Variants in NEGR1 observed in about 807,000 individuals in gnomAD.
NEGR1 encodes the protein IgLON family member 4.
A neutral mutation model predicts 40.9 loss-of-function variants in NEGR1; 10 were observed. The ratio of observed to expected loss-of-function variants is 0.24; its 90% confidence interval spans 0.15 to 0.42. NEGR1 has a LOEUF of 0.42. NEGR1 is among the 10% of genes least tolerant of loss of function. NEGR1 has a pLI of 1.00. For missense variants in NEGR1, 352 were observed against 438.9 expected, an observed-to-expected ratio of 0.80 and a Z score of 1.77; for synonymous variants, 185 against 166.8, an observed-to-expected ratio of 1.11 and a Z score of -0.84.
chr1:71,959,939 T>C (rs186091062), intron 1 of NEGR1, among the ~76,000 whole-genome samples: 1 of 152,260 alleles, frequency 6.6e-6, no homozygotes, highest in East Asian at 1.9e-4. Flanking sequence ...CAATATATCT[T>C]ATATTTCTGT....
chr1:71,752,737 T>C (rs1655612189), intron 3 of NEGR1, among the ~76,000 whole-genome samples: 1 of 151,284 alleles, frequency 6.6e-6, no homozygotes, highest in East Asian at 1.9e-4. Flanking sequence ...CTCACTTTCA[T>C]AGATGCCAGA....
Position 71,769,039 on chromosome 1 carries a change from A to G in NEGR1, c.535+7133T>C, listed in dbSNP as rs561015344. On this transcript the variant is annotated intron_variant, in intron 3 of 6. Transcript: ENST00000357731. The stretch of plus-strand genomic sequence containing the variant: ...TTATGCCTTGCCTCCTGTACAGCCT[A>G]CAGAACTGTGATTAACATTTTTAAC... Among the ~76,000 whole-genome samples the G allele has an allele frequency of 4.0e-5, 6 of 151,438 alleles. No homozygotes were observed. The East Asian group carries it at 9.8e-4, about 25-fold the overall frequency.
chr1:71,570,801 T>C (rs1007208702), intron 6 of NEGR1, among the ~76,000 whole-genome samples: 1 of 152,154 alleles, frequency 6.6e-6, no homozygotes, highest in African/African-American at 2.4e-5. Flanking sequence ...TAACATAAGT[T>C]TTAATCAAAT....
At chr1:71,895,912 A>C (rs1182070346) in intron 2 of NEGR1, among the ~76,000 whole-genome samples, 1 of 152,026 alleles carries the variant, frequency 6.6e-6, no homozygotes, top group Non-Finnish European at 1.5e-5. Context: ...TCAAGGTACC[A>C]GTTTCTCCGC....
chr1:72,146,070 G>A (rs1258262924), intron 1 of NEGR1, among the ~76,000 whole-genome samples: 1 of 151,986 alleles, frequency 6.6e-6, no homozygotes, highest in Non-Finnish European at 1.5e-5. Context: ...GGGGGAGTGA[G>A]ATGTCTTCAC....
intron 1 of NEGR1, among the ~76,000 whole-genome samples, chr1:72,199,142 T>TAGAGAGAGAG (rs1268615373): frequency 2.1e-5 from 3 of 143,066 alleles, no homozygotes; most frequent in African/African-American, 7.9e-5. Context: ...TCTATCTAGA[T>TAGAGAGAGAG]AGACAGACAG....
chr1:71,694,351 C>T (rs531109673), intron 4 of NEGR1, among the ~76,000 whole-genome samples: 4 of 151,500 alleles, frequency 2.6e-5, no homozygotes, highest in African/African-American at 7.3e-5. Context: ...AAGAAATACA[C>T]GCATACACAA....
intron 6 of NEGR1, among the ~76,000 whole-genome samples, chr1:71,452,426 G>A (rs1569889679): frequency 1.3e-5 from 2 of 152,252 alleles, no homozygotes; most frequent in Admixed American, 6.5e-5. Context: ...CTCATTTAAT[G>A]TTCTAGATAC....
intron 6 of NEGR1, among the ~76,000 whole-genome samples, chr1:71,589,460 T>C (rs1449877147): frequency 6.6e-6 from 1 of 152,200 alleles, no homozygotes; most frequent in African/African-American, 2.4e-5. Flanking sequence ...GTCTCCATTC[T>C]GGACTTTATA....
At chr1:71,883,988 CAT>C (rs1660654504) in intron 2 of NEGR1, among the ~76,000 whole-genome samples, 1 of 141,690 alleles carries the variant, frequency 7.1e-6, no homozygotes, top group Admixed American at 7.1e-5. Context: ...GCCTTATTAA[CAT>C]TTTTTTTTTA....
intron 6 of NEGR1, among the ~76,000 whole-genome samples, chr1:71,423,151 G>T (rs1398558588): frequency 6.6e-6 from 1 of 152,120 alleles, no homozygotes; most frequent in Non-Finnish European, 1.5e-5. Context: ...ACTTTGGGAG[G>T]CTGACGCAGG....
chr1:72,238,238 T>C (rs1353873280), intron 1 of NEGR1, among the ~76,000 whole-genome samples: 1 of 151,792 alleles, frequency 6.6e-6, no homozygotes, highest in Non-Finnish European at 1.5e-5. Flanking sequence ...TGATGAGTGT[T>C]AACAATACCA....
chr1:71,608,269 A>G (rs1650132213), intron 5 of NEGR1, among the ~76,000 whole-genome samples: 1 of 152,096 alleles, frequency 6.6e-6, no homozygotes, highest in South Asian at 2.1e-4. Context: ...TCACAGCTGC[A>G]TTTTTCTATG....
intron 1 of NEGR1, among the ~76,000 whole-genome samples, chr1:72,017,403 A>G (rs931586197): frequency 2.6e-5 from 4 of 152,114 alleles, no homozygotes; most frequent in African/African-American, 9.7e-5. Context: ...TATAAAGTAA[A>G]CTTCTTAAGA....
At chr1:71,656,879 G>A (rs1167474608) in intron 4 of NEGR1, among the ~76,000 whole-genome samples, 2 of 152,078 alleles carry the variant, frequency 1.3e-5, no homozygotes. Context: ...TTTTGATTTC[G>A]TTTTTCTAAA....
chr1:72,098,097 CT>C (rs1223614930), intron 1 of NEGR1, among the ~76,000 whole-genome samples: 2 of 152,086 alleles, frequency 1.3e-5, no homozygotes, highest in South Asian at 2.1e-4. Context: ...TGCATAGCCC[CT>C]GTCCTATAAA....
At position 71,967,886 on chromosome 1, in the gene NEGR1, T is replaced by C. The variant is rs192566549; in HGVS notation, c.177-32575A>G. On this transcript the variant is annotated intron_variant, in intron 1 of 6. Coordinates refer to ENST00000357731, the MANE Select transcript of NEGR1 (RefSeq NM_173808.3). ...TATGAGCAGTGCCAATATGCAGTAT[T>C]CTCTATATGACATCAACTTTCTCTT... Among the ~76,000 whole-genome samples the C allele has an allele frequency of 2.2e-3, 330 of 152,260 alleles. 2 individuals are homozygous for C. Among genetic ancestry groups the C allele is most frequent in the Non-Finnish European group, 7.9e-4 (54 of 68,022 alleles).
chr1:72,074,011 A>T (rs1647603656), intron 1 of NEGR1, among the ~76,000 whole-genome samples: 1 of 152,134 alleles, frequency 6.6e-6, no homozygotes, highest in Admixed American at 6.6e-5. Context: ...TTAAGAAAAT[A>T]AAATCTTTCA....
chr1:71,950,350 A>G (rs542670135), intron 1 of NEGR1, among the ~76,000 whole-genome samples: 20 of 152,188 alleles, frequency 1.3e-4, no homozygotes, highest in Admixed American at 9.8e-4. Context: ...TAAATATAAT[A>G]AATGCATGGG....
Sources: gnomAD v4.1 joint callset for allele counts (sites outside exome capture counted in the v4.1 genomes callset) on GRCh38, gnomAD v4.1.1 for gene constraint, MANE v1.5 for transcripts, NCBI Gene and HGNC (gene_info 2026-07-23, HGNC 2026-07-21) for gene names.